Variants in ZNF367 observed in about 807,000 individuals in gnomAD.
ZNF367 encodes the protein zinc finger protein 367.
ZNF367 carries 11 observed loss-of-function variants against 31.8 expected under a neutral mutation model. The observed-to-expected ratio is 0.35, with a 90% confidence interval of 0.22 to 0.57. The LOEUF (loss-of-function observed/expected upper bound fraction) is 0.57, where lower values mean the gene tolerates loss of function less well. ZNF367 is among the 20% of genes least tolerant of loss of function. ZNF367 has a pLI of 0.85. For synonymous variants in ZNF367, 199 were observed against 202.4 expected (o/e 0.98, Z 0.14); for missense variants, 353 against 484.1 (o/e 0.73, Z 2.54).
In ZNF367 at chr9:96,417,450, G is replaced by A. The variant is rs968445035; in HGVS notation, c.420+163C>T. Among the ~76,000 whole-genome samples, 95 of 147,216 alleles carry A rather than the reference G, an allele frequency of 6.5e-4. No homozygotes were observed. The highest frequency in any genetic ancestry group is 9.4e-4 in the Admixed American group (14 of 14,920). On this transcript the variant is annotated intron_variant, in intron 1 of 4. Transcript: ENST00000375256. The surrounding 1 kb of genome is among the most constrained non-coding windows in gnomAD (Gnocchi z 5.0). Reference sequence around the variant, plus strand: ...GTCACGTGACAGGCCCCCCCCGACTGGGGCCGGTTTTTGGCGCGCGGCAGT... The same window carrying A: ...GTCACGTGACAGGCCCCCCCCGACTAGGGCCGGTTTTTGGCGCGCGGCAGT...
At chr9:96,392,263 AG>A (rs1256029070) in intron 4 of ZNF367, 134 bp downstream of exon 4, 2 of 1,324,784 alleles carry the variant, frequency 1.5e-6, no homozygotes, top group African/African-American at 2.9e-5. Context: ...ATAGAAAATC[AG>A]GGGTCATTTC....
rs937420735 is a variant in ZNF367, at chr9:96,388,045, G to A, written c.*192C>T. ...ATTTACAAAATATTTTAAACTTTAC[G>A]ATGAATTCATTTCCATATTAAAAAA... On this transcript the variant is annotated 3_prime_UTR_variant, in exon 5 of 5. Coordinates refer to ENST00000375256, the MANE Select transcript of ZNF367 (RefSeq NM_153695.4). 31 of 578,148 alleles carry A rather than the reference G, an allele frequency of 5.4e-5. No homozygotes were observed. The highest frequency in any genetic ancestry group is 4.6e-4 in the Middle Eastern group (1 of 2,178). 35.8% of individuals were successfully genotyped at this position (578,148 alleles called of 1,614,324 possible).
At chr9:96,406,695 T>A (rs942696141) in intron 1 of ZNF367, among the ~76,000 whole-genome samples, 1 of 152,138 alleles carries the variant, frequency 6.6e-6, no homozygotes, top group Non-Finnish European at 1.5e-5. Flanking sequence ...TACAGTTAAC[T>A]TTTTTAATGA....
chr9:96,392,373 G>T, intron 4 of ZNF367, 25 bp downstream of exon 4: 1 of 1,614,064 alleles, frequency 6.2e-7, no homozygotes, highest in South Asian at 1.1e-5. Flanking sequence ...CATCTTCACG[G>T]TGGACTAAAG....
Position 96,387,452 on chromosome 9 carries a change from T to C in ZNF367, c.*785A>G, listed in dbSNP as rs1831417986. The stretch of plus-strand genomic sequence containing the variant: ...ATGTATTTTTAAAATTACCAATTAC[T>C]ATGTTACCTAGACTTTGCAAGATTA... On this transcript the variant is annotated 3_prime_UTR_variant, in exon 5 of 5. Coordinates refer to ENST00000375256, the MANE Select transcript of ZNF367 (RefSeq NM_153695.4). The C allele has an allele frequency of 6.6e-6, 1 of 152,210 alleles. No homozygotes were observed. Among genetic ancestry groups the C allele is most frequent in the African/African-American group, 2.4e-5 (1 of 41,446 alleles). The allele number at this position is 152,210 out of a possible 1,614,324, so 9.4% of individuals were successfully genotyped here.
intron 1 of ZNF367, among the ~76,000 whole-genome samples, chr9:96,410,051 G>A (rs1831722201): frequency 6.6e-6 from 1 of 152,010 alleles, no homozygotes; most frequent in South Asian, 2.1e-4. Flanking sequence ...CGAGGTGGGT[G>A]GATCACGAGG....
chr9:96,395,040 A>G, intron 2 of ZNF367, 98 bp from the exon 3 acceptor site: 1 of 1,334,804 alleles, frequency 7.5e-7, no homozygotes. Context: ...CATGACTCCC[A>G]ATAACAATAA....
intron 1 of ZNF367, among the ~76,000 whole-genome samples, chr9:96,412,845 A>G (rs1831768475): frequency 6.6e-6 from 1 of 151,670 alleles, no homozygotes; most frequent in Non-Finnish European, 1.5e-5. Flanking sequence ...ATAGGTGTGC[A>G]CCACCATGCC....
In ZNF367 at chr9:96,417,892, TC is replaced by T; in HGVS notation, c.140del (p.Gly47GlufsTer34). ...GCGGCGGCGGCGGCTCCGGCTCCCC[TC>T]CACCGCCGCACGTTGGCTTGATCGG... is the stretch of plus-strand genomic sequence containing the variant. ...TTPIKPTCGG[G>X]GEPEPPPPLI... On this transcript the variant is annotated frameshift_variant, in exon 1 of 5. Coordinates refer to ENST00000375256, the MANE Select transcript of ZNF367 (RefSeq NM_153695.4). LOFTEE classifies it high-confidence loss of function. The surrounding 1 kb of genome is among the most constrained non-coding windows in gnomAD (Gnocchi z 5.0). The T allele has an allele frequency of 6.8e-7, 1 of 1,465,880 alleles. No individual in the cohort carries two copies. The allele number at this position is 1,465,880 out of a possible 1,614,324, so 90.8% of individuals were successfully genotyped here. A position where few individuals can be genotyped will look rare whatever the true frequency, so the allele number is the denominator to read the frequency against.
intron 4 of ZNF367, among the ~76,000 whole-genome samples, chr9:96,391,041 T>C (rs1831466976): frequency 6.6e-6 from 1 of 152,180 alleles, no homozygotes; most frequent in South Asian, 2.1e-4. Context: ...ATTGTCCATC[T>C]AAACAATTTC....
intron 2 of ZNF367, among the ~76,000 whole-genome samples, chr9:96,397,509 C>A (rs7044391): frequency 0.24 from 36,173 of 151,866 alleles, 6,064 homozygotes; most frequent in African/African-American, 0.48. Flanking sequence ...TGTTTTTGGC[C>A]TACAGATGAA....
intron 4 of ZNF367, among the ~76,000 whole-genome samples, chr9:96,391,932 C>T (rs1831477746): frequency 6.6e-6 from 1 of 152,152 alleles, no homozygotes; most frequent in African/African-American, 2.4e-5. Context: ...GCACGTGCCA[C>T]TACTGCCCAG....
rs1418168621 is a variant in ZNF367, at chr9:96,417,342, G to A, written c.420+271C>T. Among the ~76,000 whole-genome samples the A allele has an allele frequency of 6.6e-6, 1 of 152,000 alleles. No homozygotes were observed. The highest frequency in any genetic ancestry group is 1.5e-5 in the Non-Finnish European group (1 of 67,976). On this transcript the variant is annotated intron_variant, in intron 1 of 4. Coordinates refer to ENST00000375256, the MANE Select transcript of ZNF367 (RefSeq NM_153695.4). This position sits in a 1 kb window ranked among gnomAD's most constrained non-coding sequence, Gnocchi z 5.0. ...CGCCGGGAGGATGTCAGTGGCCGTT[G>A]ACCCGGCCTCCCCAGCGACCCCGGG...
chr9:96,390,082 T>C (rs1474315421), intron 4 of ZNF367, among the ~76,000 whole-genome samples: 1 of 151,476 alleles, frequency 6.6e-6, no homozygotes, highest in East Asian at 1.9e-4. Context: ...CAGGCCTGTA[T>C]TTTTAGTAGA....
At chr9:96,412,617 T>G (rs1312487709) in intron 1 of ZNF367, among the ~76,000 whole-genome samples, 1 of 152,206 alleles carries the variant, frequency 6.6e-6, no homozygotes, top group Non-Finnish European at 1.5e-5. Context: ...TTTATTGAAT[T>G]GAGTGCACTT....
chr9:96,389,502 G>C (rs1282870795), intron 4 of ZNF367, among the ~76,000 whole-genome samples: 3 of 151,894 alleles, frequency 2.0e-5, no homozygotes, highest in East Asian at 3.9e-4. Flanking sequence ...AGTGTTGTAT[G>C]GGGGGAAGGG....
At chr9:96,396,919 G>A (rs1156895708) in intron 2 of ZNF367, among the ~76,000 whole-genome samples, 4 of 151,952 alleles carry the variant, frequency 2.6e-5, no homozygotes, top group Admixed American at 6.6e-5. Flanking sequence ...CACCCACCTC[G>A]GCCTCTCAAA....
Position 96,393,398 on chromosome 9 carries a change from G to GT in ZNF367, c.692-863dup, listed in dbSNP as rs543347111. ...TAGCCGGACATGGTGGCACAAGCCT[G>GT]TAATTCCAGCTACTCCAGAGGCTGA... is the stretch of plus-strand genomic sequence containing the variant. On this transcript the variant is annotated intron_variant, in intron 3 of 4. Transcript: ENST00000375256. 4.1e-3 allele frequency among the ~76,000 whole-genome samples: 626 copies of GT among 152,158 alleles called. 4 individuals carry two copies. Among genetic ancestry groups the GT allele is most frequent in the Middle Eastern group, 0.01 (3 of 294 alleles).
intron 3 of ZNF367, among the ~76,000 whole-genome samples, chr9:96,393,966 G>T (rs373953706): frequency 6.6e-6 from 1 of 152,168 alleles, no homozygotes; most frequent in African/African-American, 2.4e-5. Flanking sequence ...CAGAGCAACA[G>T]GACAGATTGC....
Sources: allele counts gnomAD v4.1 joint callset (sites outside exome capture counted in the v4.1 genomes callset), GRCh38; gene constraint gnomAD v4.1.1; non-coding constraint Gnocchi (gnomAD v3.1); transcripts MANE v1.5; gene names NCBI Gene and HGNC (gene_info 2026-07-23, HGNC 2026-07-21).